Variants in STIMATE observed in about 807,000 individuals in gnomAD.
The protein encoded by STIMATE is store-operated calcium entry regulator STIMATE.
In STIMATE, 15 loss-of-function variants were observed where a neutral mutation model predicts 36.7. The ratio of observed to expected loss-of-function variants is 0.41; its 90% CI spans 0.27 to 0.63. The LOEUF (loss-of-function observed/expected upper bound fraction) is 0.63. STIMATE is among the 20% of genes least tolerant of loss of function. The pLI is 0.32. For missense variants in STIMATE, 305 were observed against 397.3 expected (o/e 0.77, Z 1.98); for synonymous variants, 163 against 162.3 (o/e 1.00, Z -0.03).
intron 1 of STIMATE, among the ~76,000 whole-genome samples, chr3:52,868,646 G>C (rs1321615931): frequency 6.6e-6 from 1 of 152,112 alleles, no homozygotes; most frequent in Non-Finnish European, 1.5e-5. Context: ...TTTTGAGACA[G>C]TGTTTTGCTC....
chr3:52,867,174 A>G (rs1331821324), intron 1 of STIMATE, among the ~76,000 whole-genome samples: 1 of 152,250 alleles, frequency 6.6e-6, no homozygotes, highest in Non-Finnish European at 1.5e-5. Context: ...TCTTGGCACA[A>G]AGCTGCTCTT....
rs1261655264 is a variant in STIMATE, at chr3:52,850,579, C to T, written c.306-666G>A. On this transcript the variant is annotated intron_variant, in intron 3 of 7. Transcript: ENST00000355083. ...CACCTAGGCAATGATTCTGCTCACT[C>T]CCTGACAGTCCAGCCCAGGAGGCCC... Among the ~76,000 whole-genome samples the T allele has an allele frequency of 2.6e-5, 4 of 152,192 alleles. No homozygotes were observed. In the South Asian group the frequency reaches 6.2e-4, roughly 24 times the overall value.
At chr3:52,871,233 AC>A (rs1215651788) in intron 1 of STIMATE, among the ~76,000 whole-genome samples, 2 of 152,016 alleles carry the variant, frequency 1.3e-5, no homozygotes, top group Non-Finnish European at 2.9e-5. Flanking sequence ...TTTTTAAACA[AC>A]CCTCAAGGAT....
chr3:52,846,353 G>A (rs1009145461), intron 4 of STIMATE: 2 of 152,148 alleles, frequency 1.3e-5, no homozygotes, highest in Admixed American at 6.5e-5. Context: ...TAACCTTATC[G>A]AGAACAGTTC....
intron 6 of STIMATE, chr3:52,843,224 T>G: frequency 1.8e-6 from 1 of 566,366 alleles, no homozygotes. Flanking sequence ...AACAGCCTGT[T>G]TGGGGCCTGG....
chr3:52,866,547 T>C (rs182605435), intron 1 of STIMATE, among the ~76,000 whole-genome samples: 3 of 152,320 alleles, frequency 2.0e-5, no homozygotes, highest in African/African-American at 7.2e-5. Context: ...TGCCACACAA[T>C]AGGACAGCAA....
intron 1 of STIMATE, among the ~76,000 whole-genome samples, chr3:52,875,971 T>C (rs1000185018): frequency 4.6e-5 from 7 of 152,200 alleles, no homozygotes; most frequent in Admixed American, 4.6e-4. Flanking sequence ...TCACCTGACA[T>C]GATCCCCAAC....
chr3:52,852,175 T>C (rs1701012375), intron 3 of STIMATE, among the ~76,000 whole-genome samples: 1 of 152,104 alleles, frequency 6.6e-6, no homozygotes, highest in Non-Finnish European at 1.5e-5. Flanking sequence ...AATGATAAGG[T>C]GGAAGAGGTC....
chr3:52,871,164 T>G (rs1701398447), intron 1 of STIMATE, among the ~76,000 whole-genome samples: 1 of 152,150 alleles, frequency 6.6e-6, no homozygotes, highest in Non-Finnish European at 1.5e-5. Context: ...GATATTTTCA[T>G]GCTGGAATTT....
chr3:52,871,635 C>T (rs1376411591), intron 1 of STIMATE, among the ~76,000 whole-genome samples: 1 of 152,142 alleles, frequency 6.6e-6, no homozygotes, highest in Non-Finnish European at 1.5e-5. Context: ...CACTCACTCA[C>T]TCATTCATTC....
intron 1 of STIMATE, chr3:52,895,913 C>T (rs1167500617): frequency 7.8e-7 from 1 of 1,289,748 alleles, no homozygotes. Context: ...GTACATGCGC[C>T]CAAGTCAGCA....
chr3:52,845,969 G>A (rs895663835), intron 4 of STIMATE, among the ~76,000 whole-genome samples: 1 of 152,104 alleles, frequency 6.6e-6, no homozygotes, highest in Admixed American at 6.5e-5. Context: ...GGTAAAGGCC[G>A]TAATCCAGGC....
chr3:52,858,386 A>G lies in STIMATE; in HGVS notation c.161-2942T>C, dbSNP rs574007318. ...TGCAGTGGCTCACACCTGTAATCCAAACTTAAGGAGTGGATTGCTTGAGCC... is the reference window on the plus strand; with the variant it reads ...TGCAGTGGCTCACACCTGTAATCCAGACTTAAGGAGTGGATTGCTTGAGCC... On this transcript the variant is annotated intron_variant, in intron 1 of 7. Transcript: ENST00000355083. Among the ~76,000 whole-genome samples, 12 of 152,254 alleles carry G rather than the reference A, an allele frequency of 7.9e-5. No homozygotes were observed. In the South Asian group the frequency reaches 2.3e-3, roughly 29 times the overall value.
At chr3:52,894,360 T>C (rs1395986365) in intron 1 of STIMATE, among the ~76,000 whole-genome samples, 1 of 152,150 alleles carries the variant, frequency 6.6e-6, no homozygotes, top group Non-Finnish European at 1.5e-5. Flanking sequence ...GCTTGAATAA[T>C]GGGCTACCAT....
At chr3:52,850,111 G>A (rs1700971882) in intron 3 of STIMATE, among the ~76,000 whole-genome samples, 198 bp from the exon 4 acceptor site, 1 of 152,232 alleles carries the variant, frequency 6.6e-6, no homozygotes, top group Non-Finnish European at 1.5e-5. Context: ...ACCTGAGGGA[G>A]GTGAGTGAGG....
chr3:52,847,185 G>T, intron 4 of STIMATE: 1 of 1,024,656 alleles, frequency 9.8e-7, no homozygotes, highest in Non-Finnish European at 1.2e-6. Flanking sequence ...TGCTGGGAAT[G>T]ACAGGTGTGA....
chr3:52,855,464 T>A lies in STIMATE; in HGVS notation c.161-20A>T. On this transcript the variant is annotated intron_variant, in intron 1 of 7. Coordinates refer to ENST00000355083, the MANE Select transcript of STIMATE (RefSeq NM_198563.5). ...GTTTGACTGAAAGAAAAGACAGACA[T>A]CAGTAGTTTTCCAAAGAAGTTACAT... is the stretch of plus-strand genomic sequence containing the variant. 1.2e-6 allele frequency: 2 copies of A among 1,613,862 alleles called. No homozygotes were observed. The highest frequency in any genetic ancestry group is 1.7e-6 in the Non-Finnish European group (2 of 1,179,946).
intron 1 of STIMATE, among the ~76,000 whole-genome samples, chr3:52,877,410 C>CCAA (rs1701518052): frequency 6.6e-6 from 1 of 152,196 alleles, no homozygotes; most frequent in Non-Finnish European, 1.5e-5. Context: ...CTAGAACAAA[C>CCAA]TCCCTGGACA....
At chr3:52,842,765 C>T (rs1440505198) in intron 7 of STIMATE, 46 bp downstream of exon 7, 1 of 1,611,814 alleles carries the variant, frequency 6.2e-7, no homozygotes. Context: ...CCCCTTGGGC[C>T]AGCGATACGA....
Sources: allele counts gnomAD v4.1 joint callset (sites outside exome capture counted in the v4.1 genomes callset), GRCh38; gene constraint gnomAD v4.1.1; transcripts MANE v1.5; gene names NCBI Gene and HGNC (gene_info 2026-07-23, HGNC 2026-07-21).